Variants in STAU2 observed in about 807,000 individuals in gnomAD.
STAU2 encodes the protein double-stranded RNA-binding protein Staufen homolog 2.
In STAU2, 20 loss-of-function variants were observed where a neutral mutation model predicts 65.9. That is an observed-to-expected ratio of 0.30 (90% CI 0.21 to 0.44). STAU2 has a LOEUF of 0.44. Among genes scored for constraint, STAU2 ranks in the 20% least tolerant of loss-of-function variants. STAU2 has a pLI of 1.00. For missense variants in STAU2, 558 were observed against 683.9 expected (o/e 0.82, Z 2.05); for synonymous variants, 232 against 233.9 (o/e 0.99, Z 0.07).
At chr8:73,711,906 T>C (rs1820930766) in intron 3 of STAU2, among the ~76,000 whole-genome samples, 1 of 152,174 alleles carries the variant, frequency 6.6e-6, no homozygotes. Context: ...TTAGTCATAG[T>C]TGTTTTATTT....
intron 13 of STAU2, among the ~76,000 whole-genome samples, chr8:73,459,132 C>T (rs948896120): frequency 8.5e-5 from 13 of 152,090 alleles, no homozygotes; most frequent in Admixed American, 2.0e-4. Context: ...TAACAACTAA[C>T]GGCTGCTGTT....
chr8:73,645,793 G>A (rs1186292858), intron 6 of STAU2, among the ~76,000 whole-genome samples: 1 of 152,084 alleles, frequency 6.6e-6, no homozygotes, highest in Admixed American at 6.6e-5. Flanking sequence ...CATCTTACAT[G>A]GCCAAAGCAG....
At chr8:73,618,847 G>A (rs976266671) in intron 6 of STAU2, among the ~76,000 whole-genome samples, 34 of 152,326 alleles carry the variant, frequency 2.2e-4, no homozygotes, top group African/African-American at 7.5e-4. Flanking sequence ...CCCAAAGACT[G>A]GCTATGGAAT....
At chr8:73,488,997 T>C (rs1163123544) in intron 13 of STAU2, among the ~76,000 whole-genome samples, 1 of 152,002 alleles carries the variant, frequency 6.6e-6, no homozygotes, top group Non-Finnish European at 1.5e-5. Context: ...AATTTTTTTT[T>C]CTATCAATTC....
chr8:73,498,214 A>C (rs1357230170), intron 13 of STAU2, among the ~76,000 whole-genome samples: 1 of 151,844 alleles, frequency 6.6e-6, no homozygotes, highest in Non-Finnish European at 1.5e-5. Flanking sequence ...TAATTCCTCC[A>C]GGCAATTATC....
At chr8:73,665,938 C>T (rs560205503) in intron 6 of STAU2, among the ~76,000 whole-genome samples, 36 of 152,250 alleles carry the variant, frequency 2.4e-4, no homozygotes, top group Admixed American at 5.2e-4. Flanking sequence ...AATGTAAATG[C>T]TATGAAAATA....
At chr8:73,602,768 G>A (rs1811728411) in intron 10 of STAU2, among the ~76,000 whole-genome samples, 1 of 151,722 alleles carries the variant, frequency 6.6e-6, no homozygotes, top group South Asian at 2.1e-4. Flanking sequence ...ACAGCTTGGG[G>A]AAAATAATAA....
intron 3 of STAU2, among the ~76,000 whole-genome samples, chr8:73,723,769 A>C (rs1821846543): frequency 6.6e-6 from 1 of 151,718 alleles, no homozygotes; most frequent in Non-Finnish European, 1.5e-5. Flanking sequence ...ATACAGTTAT[A>C]ATGTTTTAAT....
chr8:73,560,462 C>T (rs1156415956), intron 12 of STAU2, among the ~76,000 whole-genome samples: 3 of 152,034 alleles, frequency 2.0e-5, no homozygotes, highest in African/African-American at 2.4e-5. Flanking sequence ...TAGAGTTGAA[C>T]GGAAGCACTG....
chr8:73,632,883 TC>T (rs1256067068), intron 6 of STAU2, among the ~76,000 whole-genome samples: 1 of 152,194 alleles, frequency 6.6e-6, no homozygotes, highest in Non-Finnish European at 1.5e-5. Context: ...AAGGCCAGAC[TC>T]CCCTGCAAAT....
chr8:73,552,702 C>T (rs1807426122), intron 12 of STAU2, among the ~76,000 whole-genome samples: 1 of 152,124 alleles, frequency 6.6e-6, no homozygotes, highest in Non-Finnish European at 1.5e-5. Flanking sequence ...GAAACCCCAA[C>T]ACATACAGCA....
At chr8:73,650,674 TTC>T (rs1252170802) in intron 6 of STAU2, among the ~76,000 whole-genome samples, 2 of 152,232 alleles carry the variant, frequency 1.3e-5, no homozygotes, top group Non-Finnish European at 2.9e-5. Context: ...GAACCAACAT[TTC>T]TCTGTTGACT....
rs1349696026 is a variant in STAU2 at position 73,686,539 on chromosome 8, A to G, written c.274+2115T>C. Among the ~76,000 whole-genome samples, 8 of 141,304 alleles carry G rather than the reference A, an allele frequency of 5.7e-5. No homozygotes were observed. In the East Asian group the frequency reaches 1.7e-3, roughly 30 times the overall value. 92.7% of individuals were successfully genotyped at this position (141,304 alleles called of 152,430 possible). ...CACTCCAGCCTGGTGACAGAGCGAG[A>G]CTCCCCCTCAAAAAAAAAAAAAAAC... On this transcript the variant is annotated intron_variant, in intron 5 of 14. Transcript: ENST00000524300.
intron 3 of STAU2, among the ~76,000 whole-genome samples, chr8:73,724,876 T>G (rs1348113423): frequency 6.6e-6 from 1 of 152,058 alleles, no homozygotes; most frequent in South Asian, 2.1e-4. Flanking sequence ...TTTGTAGAGA[T>G]GGGTTTTCAC....
rs577518885 is a variant in STAU2 at position 73,657,806 on chromosome 8, G to T, written c.410+15301C>A. The stretch of plus-strand genomic sequence containing the variant: ...AGGTAGGCAGATCACCTGAGGTCAG[G>T]AGTTCAAAACCAGCCAGGCCAAAAT... On this transcript the variant is annotated intron_variant, in intron 6 of 14. Coordinates refer to ENST00000524300, the MANE Select transcript of STAU2 (RefSeq NM_001164380.2). Among the ~76,000 whole-genome samples, 41 of 152,122 alleles carry T rather than the reference G, an allele frequency of 2.7e-4. 1 individual carries two copies. The South Asian group carries it at 7.9e-3, about 29-fold the overall frequency.
chr8:73,682,550 G>A (rs1171012204), intron 5 of STAU2, among the ~76,000 whole-genome samples: 2 of 151,840 alleles, frequency 1.3e-5, no homozygotes, highest in Non-Finnish European at 1.5e-5. Context: ...ACAATCTAGG[G>A]TCACACCTCA....
chr8:73,692,772 A>C (rs1819416487), intron 4 of STAU2, among the ~76,000 whole-genome samples: 1 of 152,198 alleles, frequency 6.6e-6, no homozygotes, highest in Admixed American at 6.5e-5. Flanking sequence ...TTAGTGTCAG[A>C]ATTTAGTTAA....
chr8:73,446,967 A>T (rs1287847724), intron 13 of STAU2, among the ~76,000 whole-genome samples: 1 of 152,224 alleles, frequency 6.6e-6, no homozygotes, highest in Non-Finnish European at 1.5e-5. Flanking sequence ...TTTGAGACAC[A>T]GTCTTGCTCT....
chr8:73,494,850 C>T (rs1821321002), intron 13 of STAU2, among the ~76,000 whole-genome samples: 1 of 146,268 alleles, frequency 6.8e-6, no homozygotes, highest in Admixed American at 6.7e-5. Context: ...GTTTTGTTAA[C>T]AAATAACATT....
Sources: gnomAD v4.1 joint callset for allele counts (sites outside exome capture counted in the v4.1 genomes callset) on GRCh38, gnomAD v4.1.1 for gene constraint, MANE v1.5 for transcripts, NCBI Gene and HGNC (gene_info 2026-07-23, HGNC 2026-07-21) for gene names.